Variants in ROBO2 observed in about 807,000 individuals in gnomAD.
The protein encoded by ROBO2 is roundabout guidance receptor 2.
ROBO2 carries 53 observed loss-of-function variants against 160.8 expected under a neutral mutation model. The observed-to-expected ratio is 0.33, with a 90% CI of 0.26 to 0.41. The LOEUF is 0.41. ROBO2 is among the 10% of genes least tolerant of loss of function. The pLI is 1.00. For synonymous variants in ROBO2, 664 were observed against 611.7 expected (o/e 1.09, Z -1.26); for missense variants, 1,577 against 1,722.4 (o/e 0.92, Z 1.49).
chr3:76,502,695 C>A (rs2080530865), intron 2 of ROBO2, among the ~76,000 whole-genome samples: 1 of 151,918 alleles, frequency 6.6e-6, no homozygotes, highest in Non-Finnish European at 1.5e-5. Flanking sequence ...GATATCCATC[C>A]CCTTAAGTAT....
At chr3:76,131,568 G>GT (rs1200310321) in intron 2 of ROBO2, among the ~76,000 whole-genome samples, 3 of 152,074 alleles carry the variant, frequency 2.0e-5, no homozygotes, top group Non-Finnish European at 4.4e-5. Flanking sequence ...CTTTGGTAAG[G>GT]TTTTTTCCTT....
chr3:76,955,878 G>A (rs1365883336), intron 2 of ROBO2, among the ~76,000 whole-genome samples: 1 of 137,348 alleles, frequency 7.3e-6, no homozygotes, highest in East Asian at 2.1e-4. Flanking sequence ...GTGTTGCAGT[G>A]AGACTCCGTC....
intron 2 of ROBO2, among the ~76,000 whole-genome samples, chr3:76,980,545 G>A (rs750777100): frequency 6.6e-5 from 10 of 152,052 alleles, no homozygotes; most frequent in East Asian, 1.9e-4. Flanking sequence ...AACAAAATTT[G>A]TTTTAATACA....
At chr3:76,378,699 G>A (rs2076470892) in intron 2 of ROBO2, among the ~76,000 whole-genome samples, 1 of 152,256 alleles carries the variant, frequency 6.6e-6, no homozygotes, top group East Asian at 1.9e-4. Context: ...CATATGTCCA[G>A]TAATTCCTCA....
intron 2 of ROBO2, among the ~76,000 whole-genome samples, chr3:76,366,545 A>C (rs904058258): frequency 5.9e-5 from 9 of 152,066 alleles, no homozygotes; most frequent in African/African-American, 1.9e-4. Context: ...AAGAATTCTT[A>C]TATAAATTAG....
At chr3:76,467,048 A>G (rs1477557625) in intron 2 of ROBO2, among the ~76,000 whole-genome samples, 1 of 152,052 alleles carries the variant, frequency 6.6e-6, no homozygotes, top group Non-Finnish European at 1.5e-5. Flanking sequence ...TACACCATGT[A>G]ATTGTGTTCA....
intron 2 of ROBO2, among the ~76,000 whole-genome samples, chr3:76,691,960 G>A (rs2092810838): frequency 6.6e-6 from 1 of 152,182 alleles, no homozygotes; most frequent in Non-Finnish European, 1.5e-5. Context: ...TTACATCTTA[G>A]CCAAGAATAG....
chr3:76,470,542 G>C (rs763861184), intron 2 of ROBO2, among the ~76,000 whole-genome samples: 5 of 152,014 alleles, frequency 3.3e-5, no homozygotes, highest in Non-Finnish European at 5.9e-5. Context: ...CGTGACTCGG[G>C]CTTCTCATAC....
intron 2 of ROBO2, among the ~76,000 whole-genome samples, chr3:76,979,117 GT>G (rs1259681450): frequency 6.6e-6 from 1 of 151,670 alleles, no homozygotes; most frequent in Admixed American, 6.6e-5. Flanking sequence ...TATTTTTTGT[GT>G]TTTTTTGTGG....
At chr3:77,543,615 G>T (rs550922097) in intron 6 of ROBO2, among the ~76,000 whole-genome samples, 1 of 152,306 alleles carries the variant, frequency 6.6e-6, no homozygotes, top group African/African-American at 2.4e-5. Context: ...TAATTTTAGT[G>T]ATAGAGATTT....
At chr3:76,837,249 A>T (rs914746161) in intron 2 of ROBO2, among the ~76,000 whole-genome samples, 1 of 151,898 alleles carries the variant, frequency 6.6e-6, no homozygotes, top group South Asian at 2.1e-4. Context: ...GGTAGCACAA[A>T]CACTTTAGCT....
intron 2 of ROBO2, among the ~76,000 whole-genome samples, chr3:76,035,374 A>G (rs1489101): frequency 0.34 from 51,565 of 151,646 alleles, 9,619 homozygotes; most frequent in Non-Finnish European, 0.42. Context: ...CTCAGCATGG[A>G]TTATCCCAGT....
chr3:76,151,490 A>G (rs1014037412), intron 2 of ROBO2, among the ~76,000 whole-genome samples: 2 of 152,298 alleles, frequency 1.3e-5, no homozygotes, highest in South Asian at 2.1e-4. Context: ...TTGCCAGGCT[A>G]TAGCTTTGAT....
At chr3:76,959,060 T>A (rs1325001681) in intron 2 of ROBO2, among the ~76,000 whole-genome samples, 1 of 152,176 alleles carries the variant, frequency 6.6e-6, no homozygotes, top group Admixed American at 6.5e-5. Context: ...ACATTTTTCA[T>A]GTTGGAAACA....
chr3:76,556,323 G>T (rs113752452), intron 2 of ROBO2, among the ~76,000 whole-genome samples: 1 of 152,182 alleles, frequency 6.6e-6, no homozygotes, highest in Admixed American at 6.5e-5. Context: ...TTTCCTAGTA[G>T]CTCTGAAGCC....
At chr3:76,637,025 GAGCAAGC>G (rs1232320977) in intron 2 of ROBO2, among the ~76,000 whole-genome samples, 2 of 152,086 alleles carry the variant, frequency 1.3e-5, no homozygotes, top group Admixed American at 6.5e-5. Context: ...TTTTGGGACT[GAGCAAGC>G]AGCAAGGAAT....
At chr3:76,135,926 C>T in intron 2 of ROBO2, among the ~76,000 whole-genome samples, 1 of 149,840 alleles carries the variant, frequency 6.7e-6, no homozygotes, top group South Asian at 2.1e-4. Context: ...ATTACACTTA[C>T]AAATGTTTAT....
At chr3:76,834,159 C>CTCTTTCTTTCTTTCTTTCTTTCTT (rs201086914) in intron 2 of ROBO2, among the ~76,000 whole-genome samples, 2 of 113,020 alleles carry the variant, frequency 1.8e-5, no homozygotes, top group Admixed American at 1.8e-4. Flanking sequence ...TTCTTTCTCT[C>CTCTTTCTTTCTTTCTTTCTTTCTT]TCTTTCTTTC....
intron 2 of ROBO2, among the ~76,000 whole-genome samples, chr3:76,584,411 A>G (rs2085900613): frequency 6.6e-6 from 1 of 152,090 alleles, no homozygotes; most frequent in African/African-American, 2.4e-5. Flanking sequence ...TCACAGAGTT[A>G]ATTTCATTAG....
Sources: allele counts gnomAD v4.1 joint callset (sites outside exome capture counted in the v4.1 genomes callset), GRCh38; gene constraint gnomAD v4.1.1; transcripts MANE v1.5; gene names NCBI Gene and HGNC (gene_info 2026-07-23, HGNC 2026-07-21).